Variants in LINGO2 observed in about 807,000 individuals in gnomAD.
LINGO2 encodes the protein leucine rich repeat and Ig domain containing 2.
In LINGO2, 14 loss-of-function variants were observed where a neutral mutation model predicts 30.6. The observed-to-expected ratio is 0.46, with a 90% CI of 0.30 to 0.72. The LOEUF (loss-of-function observed/expected upper bound fraction) is 0.72, where lower values mean the gene tolerates loss of function less well. Ranked by LOEUF, LINGO2 falls within the 30% of genes least tolerant of loss-of-function variation. The pLI, the probability that LINGO2 is intolerant of heterozygous loss-of-function variation, is 0.07. For synonymous variants in LINGO2, 317 were observed against 288.5 expected, an observed-to-expected ratio of 1.10 and a Z score of -1.00; for missense variants, 729 against 751.7, an observed-to-expected ratio of 0.97 and a Z score of 0.35.
Position 28,397,434 on chromosome 9 carries a change from C to T in LINGO2, c.-278-24566G>A, listed in dbSNP as rs1006745369. Among the ~76,000 whole-genome samples the T allele has an allele frequency of 4.7e-5, 7 of 148,730 alleles. No individual in the cohort carries two copies. In the South Asian group the frequency reaches 6.3e-4, roughly 13 times the overall value. ...ATCTAGCTAATTAACACATGTATTACCTCACATTGTTATCATTTTTATGGT... is the reference window on the plus strand; with the variant it reads ...ATCTAGCTAATTAACACATGTATTATCTCACATTGTTATCATTTTTATGGT... On this transcript the variant is annotated intron_variant, in intron 2 of 5. Coordinates refer to ENST00000379992, the Ensembl canonical transcript of LINGO2.
the LINGO2 span, among the ~76,000 whole-genome samples, chr9:28,760,183 A>C: frequency 6.6e-6 from 1 of 152,142 alleles, no homozygotes; most frequent in South Asian, 2.1e-4. Flanking sequence ...GTATTTCTTT[A>C]AGCAAAGCAA....
chr9:28,922,945 G>C, the LINGO2 span, among the ~76,000 whole-genome samples: 1 of 152,182 alleles, frequency 6.6e-6, no homozygotes, highest in African/African-American at 2.4e-5. Flanking sequence ...TTATAAAAGG[G>C]AGGTGGAAGG....
At position 28,577,813 on chromosome 9, in the gene LINGO2, T is replaced by G. The variant is rs562881793; in HGVS notation, c.-365+92387A>C. ...GTAGCACAAGGCAATATGGAGCCAA[T>G]GATTATCAAGTTTTTATTCTTGAGG... is the stretch of plus-strand genomic sequence containing the variant. On this transcript the variant is annotated intron_variant, in intron 1 of 5. Transcript: ENST00000379992. Among the ~76,000 whole-genome samples, 7 of 152,312 alleles carry G rather than the reference T, an allele frequency of 4.6e-5. No homozygotes were observed. In the South Asian group the frequency reaches 1.4e-3, roughly 32 times the overall value.
At chr9:28,540,790 G>T (rs1821659113) in intron 1 of LINGO2, among the ~76,000 whole-genome samples, 1 of 152,126 alleles carries the variant, frequency 6.6e-6, no homozygotes, top group Non-Finnish European at 1.5e-5. Context: ...GATGTGTGTT[G>T]CCATCACAAA....
At chr9:28,056,381 C>T (rs71512420) in intron 4 of LINGO2, among the ~76,000 whole-genome samples, 1 of 152,114 alleles carries the variant, frequency 6.6e-6, no homozygotes, top group East Asian at 1.9e-4. Context: ...TTCAGTAGAT[C>T]ACGACCCTCA....
chr9:28,909,595 T>C, the LINGO2 span, among the ~76,000 whole-genome samples: 3 of 152,018 alleles, frequency 2.0e-5, no homozygotes, highest in Admixed American at 2.0e-4. Flanking sequence ...TGTAAACGTA[T>C]GTCAATGTCT....
the LINGO2 span, among the ~76,000 whole-genome samples, chr9:28,883,669 T>TATATATATATATATATATA: frequency 3.0e-5 from 4 of 131,994 alleles, no homozygotes; most frequent in African/African-American, 5.6e-5. Context: ...TATATATATA[T>TATATATATATATATATATA]TTGGTTTTTT....
the LINGO2 span, among the ~76,000 whole-genome samples, chr9:28,943,814 T>C: frequency 6.6e-6 from 1 of 152,210 alleles, no homozygotes; most frequent in Non-Finnish European, 1.5e-5. Context: ...GAGATGCTTC[T>C]ATAGGGTACA....
At chr9:28,595,810 G>T (rs1587931921) in intron 1 of LINGO2, among the ~76,000 whole-genome samples, 2 of 152,078 alleles carry the variant, frequency 1.3e-5, no homozygotes, top group South Asian at 4.1e-4. Context: ...CATTGCCTGT[G>T]CATCTGTTTT....
At chr9:29,054,943 G>A in the LINGO2 span, among the ~76,000 whole-genome samples, 1 of 152,122 alleles carries the variant, frequency 6.6e-6, no homozygotes, top group Admixed American at 6.6e-5. Context: ...TGTAGGACAG[G>A]TGCGGTGGAT....
the LINGO2 span, among the ~76,000 whole-genome samples, chr9:29,063,555 T>C: frequency 3.6e-4 from 55 of 151,924 alleles, no homozygotes; most frequent in Admixed American, 2.5e-3. Flanking sequence ...TCTGCCACCA[T>C]GCCCGGCGAA....
At chr9:28,592,990 C>A (rs1420662205) in intron 1 of LINGO2, among the ~76,000 whole-genome samples, 1 of 152,012 alleles carries the variant, frequency 6.6e-6, no homozygotes, top group East Asian at 1.9e-4. Context: ...CTTACATTAT[C>A]TTCTCAGCCA....
the LINGO2 span, among the ~76,000 whole-genome samples, chr9:29,022,456 GTT>G: frequency 6.6e-6 from 1 of 152,130 alleles, no homozygotes; most frequent in Non-Finnish European, 1.5e-5. Context: ...GAGGGGCTGA[GTT>G]TTTATTACAT....
chr9:28,492,923 T>A (rs1225144046), intron 1 of LINGO2, among the ~76,000 whole-genome samples: 4 of 152,136 alleles, frequency 2.6e-5, no homozygotes, highest in African/African-American at 9.7e-5. Context: ...CAGTTGCAGC[T>A]CACCAGATTT....
At chr9:28,616,584 C>G (rs887642134) in intron 1 of LINGO2, among the ~76,000 whole-genome samples, 2 of 152,202 alleles carry the variant, frequency 1.3e-5, no homozygotes, top group Admixed American at 6.5e-5. Flanking sequence ...GAAATGAAGT[C>G]TCCTTGCTCA....
intron 4 of LINGO2, among the ~76,000 whole-genome samples, chr9:28,228,309 G>T (rs1369524171): frequency 6.6e-6 from 1 of 151,930 alleles, no homozygotes; most frequent in Non-Finnish European, 1.5e-5. Flanking sequence ...GTGTTAGAGA[G>T]ATCAACATTT....
intron 2 of LINGO2, among the ~76,000 whole-genome samples, chr9:28,449,645 A>G (rs1389083860): frequency 6.6e-6 from 1 of 152,084 alleles, no homozygotes; most frequent in African/African-American, 2.4e-5. Context: ...ATTCTTTATT[A>G]CCATACGACG....
chr9:28,866,426 A>G, the LINGO2 span, among the ~76,000 whole-genome samples: 1 of 152,064 alleles, frequency 6.6e-6, no homozygotes, highest in Non-Finnish European at 1.5e-5. Context: ...CCTAACCCCA[A>G]AGGAATTCAG....
intron 2 of LINGO2, among the ~76,000 whole-genome samples, chr9:28,458,943 C>G (rs1824963037): frequency 6.6e-6 from 1 of 150,924 alleles, no homozygotes; most frequent in Admixed American, 6.7e-5. Context: ...GATACAAGAA[C>G]AAGCTGTTAA....
Sources: allele counts gnomAD v4.1 joint callset (sites outside exome capture counted in the v4.1 genomes callset), GRCh38; gene constraint gnomAD v4.1.1; transcripts MANE v1.5; gene names NCBI Gene and HGNC (gene_info 2026-07-23, HGNC 2026-07-21).